Variants in RABGAP1L observed in about 807,000 individuals in gnomAD.
RABGAP1L encodes the protein RAB GTPase activating protein 1 like, also known as rab GTPase-activating protein 1-like.
Under a neutral mutation model 137.7 loss-of-function variants are expected in RABGAP1L, and 63 were observed. The ratio of observed to expected loss-of-function variants is 0.46; its 90% confidence interval spans 0.37 to 0.56. RABGAP1L has a LOEUF of 0.56. RABGAP1L is among the 20% of genes least tolerant of loss of function. The pLI, the probability that RABGAP1L is intolerant of heterozygous loss-of-function variation, is 0.00. For missense variants in RABGAP1L, 1,095 were observed against 1,244.0 expected (o/e 0.88, Z 1.80); for synonymous variants, 431 against 433.7 (o/e 0.99, Z 0.08).
chr1:174,535,997 G>A (rs1386885040), intron 13 of RABGAP1L, among the ~76,000 whole-genome samples: 4 of 152,140 alleles, frequency 2.6e-5, no homozygotes, highest in Admixed American at 1.3e-4. Flanking sequence ...TGAAATGAAT[G>A]TGATAGCATA....
At chr1:174,762,287 C>A (rs1232717876) in intron 18 of RABGAP1L, among the ~76,000 whole-genome samples, 2 of 152,134 alleles carry the variant, frequency 1.3e-5, no homozygotes, top group Non-Finnish European at 2.9e-5. Context: ...CCCTTCCCTC[C>A]CTCTCATTTG....
intron 11 of RABGAP1L, among the ~76,000 whole-genome samples, chr1:174,317,514 G>A (rs1203695089): frequency 6.6e-6 from 1 of 152,100 alleles, no homozygotes; most frequent in Non-Finnish European, 1.5e-5. Flanking sequence ...TGGTATCCAA[G>A]ATGTAAGACA....
At chr1:174,686,799 G>C (rs1678505382) in intron 15 of RABGAP1L, among the ~76,000 whole-genome samples, 1 of 151,508 alleles carries the variant, frequency 6.6e-6, no homozygotes. Flanking sequence ...GGGACTACAG[G>C]CACACGTATC....
chr1:174,734,876 G>T (rs1682799361), intron 17 of RABGAP1L, among the ~76,000 whole-genome samples: 1 of 149,948 alleles, frequency 6.7e-6, no homozygotes, highest in African/African-American at 2.5e-5. Context: ...AGATTGCATT[G>T]AGTCACACTT....
At position 174,394,113 on chromosome 1, in the gene RABGAP1L, A is replaced by G. The variant is rs1305839018; in HGVS notation, c.1678A>G (p.Met560Val). The G allele has an allele frequency of 1.9e-6, 3 of 1,613,784 alleles. No homozygotes were observed. The highest frequency in any genetic ancestry group is 2.2e-5 in the East Asian group (1 of 44,876). Residue 560 changes from methionine to valine, a missense_variant, in exon 13 of 26, where the codon ATG (methionine) becomes GTG (valine). Met to Val is a conservative substitution (Grantham distance 21, BLOSUM62 1). Transcript: ENST00000681986. ...GGCAGGCTGCCATGACAACCAGGCA[A>G]TGCTGGATAGATACCGAATTCTTAT... ...LLAGCHDNQAMLDRYRILITK... is the reference protein window; with the variant it reads ...LLAGCHDNQAVLDRYRILITK...
At chr1:174,486,223 C>CTTTTTTTTTTTT (rs201692363) in intron 13 of RABGAP1L, among the ~76,000 whole-genome samples, 5 of 119,876 alleles carry the variant, frequency 4.2e-5, no homozygotes, top group Non-Finnish European at 7.0e-5. Flanking sequence ...GTTCTTTTTT[C>CTTTTTTTTTTTT]TTTTTTTTTT....
chr1:174,296,375 A>G (rs534104647), intron 10 of RABGAP1L, among the ~76,000 whole-genome samples: 2 of 152,254 alleles, frequency 1.3e-5, no homozygotes, highest in East Asian at 3.9e-4. Context: ...ATTTTACTTT[A>G]TTTTATGTAA....
intron 19 of RABGAP1L, among the ~76,000 whole-genome samples, chr1:174,931,990 GTTTTTTTTTT>G (rs532860564): frequency 2.9e-5 from 2 of 69,648 alleles, no homozygotes; most frequent in African/African-American, 5.3e-5. Context: ...TGCTTTTTTG[GTTTTTTTTTT>G]TTTTTTTTTT....
At chr1:174,311,684 G>T (rs1194150301) in intron 11 of RABGAP1L, among the ~76,000 whole-genome samples, 1 of 152,126 alleles carries the variant, frequency 6.6e-6, no homozygotes, top group Middle Eastern at 3.2e-3. Context: ...TCAGCTCACT[G>T]CAACCTCCGC....
In RABGAP1L at chr1:174,984,015, G is replaced by A. The variant is rs189405382; in HGVS notation, c.2805+1110G>A. On this transcript the variant is annotated intron_variant, in intron 24 of 25. Coordinates refer to ENST00000681986, the MANE Select transcript of RABGAP1L (RefSeq NM_001366446.1). ...TTGATGAAGTTGAATGGCATAAAGG[G>A]GTTAACTCTCCTGAAGTGAATTTTT... 1.3e-3 allele frequency among the ~76,000 whole-genome samples: 189 copies of A among 149,516 alleles called. 1 individual carries two copies. Among genetic ancestry groups the A allele is most frequent in the African/African-American group, 4.2e-3 (171 of 40,420 alleles).
At chr1:174,755,204 T>C (rs2148684440) in intron 18 of RABGAP1L, among the ~76,000 whole-genome samples, 1 of 152,336 alleles carries the variant, frequency 6.6e-6, no homozygotes, top group South Asian at 2.1e-4. Flanking sequence ...CGGGACCAAC[T>C]TCTTTTTGGT....
chr1:174,172,171 T>C (rs1665451182), intron 1 of RABGAP1L, among the ~76,000 whole-genome samples: 1 of 130,072 alleles, frequency 7.7e-6, no homozygotes, highest in African/African-American at 2.9e-5. Flanking sequence ...CTGAATAATA[T>C]TCCCTTGTGT....
At chr1:174,347,483 G>GTA (rs1441452923) in intron 11 of RABGAP1L, among the ~76,000 whole-genome samples, 25 of 151,208 alleles carry the variant, frequency 1.7e-4, no homozygotes, top group Non-Finnish European at 3.0e-4. Flanking sequence ...GTGTGTGTGT[G>GTA]TGTGTGTGTG....
chr1:174,815,426 C>T (rs1430918574), intron 19 of RABGAP1L, among the ~76,000 whole-genome samples: 1 of 152,186 alleles, frequency 6.6e-6, no homozygotes, highest in Non-Finnish European at 1.5e-5. Flanking sequence ...GAATTTCTGC[C>T]AAAAGTAATC....
intron 19 of RABGAP1L, among the ~76,000 whole-genome samples, chr1:174,861,037 T>G (rs887580913): frequency 6.6e-5 from 10 of 152,138 alleles, no homozygotes; most frequent in Admixed American, 5.9e-4. Context: ...GTATATTAGA[T>G]CCTCAGAACT....
intron 13 of RABGAP1L, among the ~76,000 whole-genome samples, chr1:174,470,067 T>C (rs1478382169): frequency 1.3e-5 from 2 of 152,164 alleles, no homozygotes; most frequent in Non-Finnish European, 2.9e-5. Context: ...GATCAAATCC[T>C]CTCTACAGCC....
At chr1:174,389,769 A>G (rs1687072067) in intron 12 of RABGAP1L, among the ~76,000 whole-genome samples, 1 of 152,176 alleles carries the variant, frequency 6.6e-6, no homozygotes, top group Middle Eastern at 3.2e-3. Flanking sequence ...CTTAAGATAT[A>G]TAAGTAAAGA....
chr1:174,922,882 A>C (rs1256692812), intron 19 of RABGAP1L, among the ~76,000 whole-genome samples: 1 of 152,220 alleles, frequency 6.6e-6, no homozygotes. Flanking sequence ...GTAGCCAATT[A>C]TAGAGGATAG....
At chr1:174,541,974 G>A (rs146693799) in intron 13 of RABGAP1L, among the ~76,000 whole-genome samples, 11,730 of 152,268 alleles carry the variant, frequency 0.077, 525 homozygotes, top group Admixed American at 0.1. Context: ...GCTTTTTGAT[G>A]TGCTGCTGGA....
Sources: gnomAD v4.1 joint callset for allele counts (sites outside exome capture counted in the v4.1 genomes callset) on GRCh38, gnomAD v4.1.1 for gene constraint, MANE v1.5 for transcripts, NCBI Gene and HGNC (gene_info 2026-07-23, HGNC 2026-07-21) for gene names.